RSRP1: variants seen among roughly 807,000 people sequenced by gnomAD.
RSRP1 encodes arginine/serine-rich protein 1.
In RSRP1, 37 loss-of-function variants were observed where a neutral mutation model predicts 33.0. That is an observed-to-expected ratio of 1.12 (90% CI 0.86 to 1.48). RSRP1 has a LOEUF of 1.48. Ranked by LOEUF, RSRP1 falls within the 40% of genes most tolerant of loss-of-function variation. RSRP1 has a pLI of 0.00. For synonymous variants in RSRP1, 167 were observed against 158.7 expected (o/e 1.05, Z -0.40); for missense variants, 402 against 385.3 (o/e 1.04, Z -0.36).
In RSRP1 at chr1:25,287,930, T is replaced by G. The variant is rs1266945479; in HGVS notation, c.-66-40901A>C. Among the ~76,000 whole-genome samples, 4 of 131,688 alleles carry G rather than the reference T, an allele frequency of 3.0e-5. No homozygotes were observed. The East Asian group carries it at 7.8e-4, about 26-fold the overall frequency. The allele number at this position is 131,688 out of a possible 152,430, so 86.4% of individuals were successfully genotyped here. ...TAGACAAGGGGTTTCACCAGGTGGG[T>G]CAGGTTGGTCTGGAACTCCCGACCT... On this transcript the variant is annotated intron_variant, in intron 1 of 1. Transcript: ENST00000561867.
chr1:25,274,956 AAAC>A (rs1640822074), intron 1 of RSRP1, among the ~76,000 whole-genome samples: 1 of 132,098 alleles, frequency 7.6e-6, no homozygotes, highest in Non-Finnish European at 1.8e-5. Context: ...TCAAAAAACC[AAAC>A]AACAAAAACA....
intron 1 of RSRP1, chr1:25,301,836 A>G (rs1643414976): frequency 8.6e-6 from 6 of 694,952 alleles, no homozygotes; most frequent in Admixed American, 2.1e-5. Context: ...AGCTCTAGGT[A>G]GAATGCTGGG....
At chr1:25,299,985 G>C (rs1271722886) in intron 1 of RSRP1, among the ~76,000 whole-genome samples, 1 of 130,812 alleles carries the variant, frequency 7.6e-6, no homozygotes, top group African/African-American at 2.6e-5. Context: ...CCTGACCTCA[G>C]GTGATCCACC....
chr1:25,286,565 T>A lies in RSRP1; in HGVS notation c.-66-39536A>T, dbSNP rs1381055132. On this transcript the variant is annotated intron_variant, in intron 1 of 1. Coordinates refer to the RSRP1 transcript ENST00000561867. Reference sequence around the variant, plus strand: ...ACTTTGGGAGGCCAAGGCGGGGGGATCATGAGGTCAGGAGATCGAGACCAT... The same window carrying A: ...ACTTTGGGAGGCCAAGGCGGGGGGAACATGAGGTCAGGAGATCGAGACCAT... Among the ~76,000 whole-genome samples the A allele has an allele frequency of 1.3e-4, 18 of 133,924 alleles. 3 individuals carry two copies. The highest frequency in any genetic ancestry group is 4.7e-4 in the African/African-American group (18 of 38,472). 87.9% of individuals were successfully genotyped at this position (133,924 alleles called of 152,430 possible).
intron 1 of RSRP1, among the ~76,000 whole-genome samples, chr1:25,282,722 C>T (rs568237896): frequency 1.5e-5 from 2 of 130,882 alleles, no homozygotes; most frequent in East Asian, 2.0e-4. Flanking sequence ...GTCAGGAGTT[C>T]GAGACCAGCT....
At chr1:25,253,070 TA>T (rs1348419345) in intron 1 of RSRP1, 1 of 150,444 alleles carries the variant, frequency 6.6e-6, no homozygotes, top group Non-Finnish European at 1.5e-5. Context: ...AGTTCAAATT[TA>T]ATATTTAACT....
chr1:25,333,975 T>C (rs1645048272), intron 1 of RSRP1, among the ~76,000 whole-genome samples: 2 of 126,184 alleles, frequency 1.6e-5, no homozygotes. Context: ...AACCAAACCC[T>C]ATCATTCCAC....
chr1:25,307,563 T>A lies in RSRP1; in HGVS notation c.-67+30415A>T, dbSNP rs533259246. ...ATTGTGCTAGAAACCATTATATGCATTATCTCCTTGAATTCTCACAACCGC... is the reference window on the plus strand; with the variant it reads ...ATTGTGCTAGAAACCATTATATGCAATATCTCCTTGAATTCTCACAACCGC... On this transcript the variant is annotated intron_variant, in intron 1 of 1. Transcript: ENST00000561867. 93 of 610,670 alleles carry A rather than the reference T, an allele frequency of 1.5e-4. 20 individuals carry two copies. The highest frequency in any genetic ancestry group is 1.4e-3 in the African/African-American group (73 of 53,604). The allele number at this position is 610,670 out of a possible 1,614,324, so 37.8% of individuals were successfully genotyped here. A position where few individuals can be genotyped will look rare whatever the true frequency, so the allele number is the denominator to read the frequency against.
chr1:25,287,479 G>A (rs1257975607), intron 1 of RSRP1, among the ~76,000 whole-genome samples: 3 of 135,006 alleles, frequency 2.2e-5, no homozygotes, highest in East Asian at 1.9e-4. Flanking sequence ...ACCGGTTCCC[G>A]TCAGGGCTGT....
rs572365383 is a variant in RSRP1, at chr1:25,294,374, C to T, written c.-67+43604G>A. ...GGGCTGCAGCCAGGGAATAGTCCGT[C>T]GCAGAGCAAGGATTCAAATAAGCAG... On this transcript the variant is annotated intron_variant, in intron 1 of 1. Coordinates refer to the RSRP1 transcript ENST00000561867. 49 of 786,566 alleles carry T rather than the reference C, an allele frequency of 6.2e-5. 8 individuals are homozygous for T. Among genetic ancestry groups the T allele is most frequent in the East Asian group, 4.0e-4 (17 of 42,048 alleles). 48.7% of individuals were successfully genotyped at this position (786,566 alleles called of 1,614,324 possible).
intron 1 of RSRP1, among the ~76,000 whole-genome samples, chr1:25,318,754 T>A (rs1229637470): frequency 7.5e-6 from 1 of 132,664 alleles, no homozygotes; most frequent in African/African-American, 2.6e-5. Flanking sequence ...ACGTTGGGCA[T>A]GTCACTTTAC....
chr1:25,282,826 T>G lies in RSRP1; in HGVS notation c.-66-35797A>C, dbSNP rs1468369787. Among the ~76,000 whole-genome samples the G allele has an allele frequency of 1.6e-5, 2 of 124,920 alleles. 1 individual carries two copies. The highest frequency in any genetic ancestry group is 5.5e-5 in the African/African-American group (2 of 36,630). 82.0% of individuals were successfully genotyped at this position (124,920 alleles called of 152,430 possible). On this transcript the variant is annotated intron_variant, in intron 1 of 1. Transcript: ENST00000561867. ...ACAAGAATCACTTGAACCCGGGAGG[T>G]GGAGGTTGCAGCGAGCCGAGATCGC...
rs1042846562 is a variant in RSRP1, at chr1:25,291,312, T to C, written c.-66-44283A>G. ...GGGGGAACCTCATCTCTACTAAAAA[T>C]ACAAAATTTAGCTGGGCATGGTGGC... On this transcript the variant is annotated intron_variant, in intron 1 of 1. Coordinates refer to the RSRP1 transcript ENST00000561867. Among the ~76,000 whole-genome samples the C allele has an allele frequency of 1.5e-5, 2 of 129,132 alleles. 1 individual carries two copies. The highest frequency in any genetic ancestry group is 1.5e-4 in the Admixed American group (2 of 13,266). The allele number at this position is 129,132 out of a possible 152,430, so 84.7% of individuals were successfully genotyped here. A position where few individuals can be genotyped will look rare whatever the true frequency, so the allele number is the denominator to read the frequency against.
intron 1 of RSRP1, among the ~76,000 whole-genome samples, chr1:25,320,236 T>A (rs137996836): frequency 0.056 from 7,359 of 131,640 alleles, 1,460 homozygotes; most frequent in African/African-American, 0.17. Context: ...CACAAAACGC[T>A]TGGGCTGCTG....
chr1:25,324,558 T>G (rs1291253677), intron 1 of RSRP1, among the ~76,000 whole-genome samples: 2 of 152,146 alleles, frequency 1.3e-5, no homozygotes, highest in Non-Finnish European at 2.9e-5. Context: ...AGTGAGGTAA[T>G]AATGTCTGTA....
Position 25,330,407 on chromosome 1 carries a change from T to C in RSRP1, c.-67+7571A>G, listed in dbSNP as rs368454829. ...CAGACCAAGGTTCTTTTTGTTTACA[T>C]AATACTTGAAAAATAAAAATGAACA... On this transcript the variant is annotated intron_variant, in intron 1 of 1. Coordinates refer to the RSRP1 transcript ENST00000561867. The C allele has an allele frequency of 3.8e-5, 5 of 133,250 alleles. 2 individuals are homozygous for C. Among genetic ancestry groups the C allele is most frequent in the African/African-American group, 7.7e-5 (3 of 39,050 alleles). The allele number at this position is 133,250 out of a possible 1,614,324, so 8.3% of individuals were successfully genotyped here.
intron 1 of RSRP1, among the ~76,000 whole-genome samples, chr1:25,259,558 A>G (rs1259743059): frequency 6.6e-6 from 1 of 151,682 alleles, no homozygotes; most frequent in Non-Finnish European, 1.5e-5. Flanking sequence ...GCTGGAGTGC[A>G]GTGCCGCAAT....
upstream of RSRP1, among the ~76,000 whole-genome samples, chr1:25,250,377 C>G (rs940362915): frequency 6.6e-6 from 1 of 152,186 alleles, no homozygotes; most frequent in Non-Finnish European, 1.5e-5. Flanking sequence ...AGCAAAGAAA[C>G]TAAAATGGAG....
chr1:25,258,443 G>C (rs181840247), intron 1 of RSRP1, among the ~76,000 whole-genome samples: 1 of 152,184 alleles, frequency 6.6e-6, no homozygotes, highest in East Asian at 1.9e-4. Flanking sequence ...CTCCCAAAGT[G>C]CTAGGATTAC....
Sources: allele counts gnomAD v4.1 joint callset (sites outside exome capture counted in the v4.1 genomes callset), GRCh38; gene constraint gnomAD v4.1.1; transcripts MANE v1.5; gene names NCBI Gene and HGNC (gene_info 2026-07-23, HGNC 2026-07-21).